The following SIPA1L2 variants were observed in gnomAD, a reference collection of about 807,000 sequenced individuals.
The protein encoded by SIPA1L2 is signal induced proliferation associated 1 like 2.
SIPA1L2 carries 56 observed loss-of-function variants against 163.9 expected under a neutral mutation model. The ratio of observed to expected loss-of-function variants is 0.34; its 90% CI spans 0.28 to 0.43. The LOEUF is 0.43. Among genes scored for constraint, SIPA1L2 ranks in the 20% least tolerant of loss-of-function variants. SIPA1L2 has a pLI of 1.00. For missense variants in SIPA1L2, 1,974 were observed against 2,193.5 expected, an observed-to-expected ratio of 0.90 and a Z score of 2.00; for synonymous variants, 877 against 865.7, an observed-to-expected ratio of 1.01 and a Z score of -0.23.
intron 2 of SIPA1L2, among the ~76,000 whole-genome samples, chr1:232,543,324 C>T (rs1423486358): frequency 1.3e-5 from 2 of 152,202 alleles, no homozygotes; most frequent in East Asian, 1.9e-4. Context: ...CCCTTGAACA[C>T]GGGTTTGCAC....
At chr1:232,464,337 T>C (rs1318006813) in intron 9 of SIPA1L2, among the ~76,000 whole-genome samples, 1 of 152,202 alleles carries the variant, frequency 6.6e-6, no homozygotes, top group East Asian at 1.9e-4. Flanking sequence ...TAAATTAATG[T>C]GTAATTCTGA....
intron 1 of SIPA1L2, among the ~76,000 whole-genome samples, chr1:232,587,601 T>C (rs2102819613): frequency 6.6e-6 from 1 of 152,288 alleles, no homozygotes; most frequent in South Asian, 2.1e-4. Context: ...AGCAAGGCAG[T>C]GGCCCCACAC....
chr1:232,585,475 C>T (rs535867542), intron 1 of SIPA1L2, among the ~76,000 whole-genome samples: 2 of 152,226 alleles, frequency 1.3e-5, no homozygotes, highest in East Asian at 3.9e-4. Flanking sequence ...AGGGACAGGC[C>T]AATGGTTAAT....
intron 1 of SIPA1L2, among the ~76,000 whole-genome samples, chr1:232,619,833 C>T (rs553278214): frequency 2.2e-4 from 34 of 152,328 alleles, no homozygotes; most frequent in African/African-American, 7.2e-4. Flanking sequence ...AACCCCTTAT[C>T]CCACTTGTAT....
At chr1:232,525,189 C>A in intron 2 of SIPA1L2, among the ~76,000 whole-genome samples, 1 of 150,106 alleles carries the variant, frequency 6.7e-6, no homozygotes, top group Admixed American at 6.6e-5. Flanking sequence ...AAAATACTGC[C>A]CTTTATTCCT....
intron 10 of SIPA1L2, among the ~76,000 whole-genome samples, chr1:232,455,845 G>A (rs924793576): frequency 2.0e-5 from 3 of 151,954 alleles, no homozygotes; most frequent in Admixed American, 6.6e-5. Context: ...AAATTAACAC[G>A]GCAACAGAAA....
chr1:232,567,453 A>G (rs1234484576), intron 2 of SIPA1L2, among the ~76,000 whole-genome samples: 2 of 152,172 alleles, frequency 1.3e-5, no homozygotes, highest in African/African-American at 4.8e-5. Flanking sequence ...AATTATTGTC[A>G]TTTATTCAAC....
intron 18 of SIPA1L2, among the ~76,000 whole-genome samples, chr1:232,418,926 C>A (rs1661413260): frequency 6.6e-6 from 1 of 152,202 alleles, no homozygotes; most frequent in South Asian, 2.1e-4. Flanking sequence ...TGACTACTGC[C>A]TGCCACGTGA....
At position 232,465,495 on chromosome 1, in the gene SIPA1L2, TACACACACACACACATATACATACACAC is replaced by T. The variant is rs1255652996; in HGVS notation, c.2244-107_2244-80del. The stretch of plus-strand genomic sequence containing the variant: ...TATCTTTCCGAATTTGACATATATA[TACACACACACACACATATACATACACAC>T]ACACACACACATATACATACACACA... On this transcript the variant is annotated intron_variant, in intron 8 of 22. Transcript: ENST00000674635. The surrounding 1 kb of genome is among the most constrained non-coding windows in gnomAD (Gnocchi z 4.1). The T allele has an allele frequency of 9.4e-7, 1 of 1,065,652 alleles. No homozygotes were observed. Among genetic ancestry groups the T allele is most frequent in the Non-Finnish European group, 1.4e-6 (1 of 730,360 alleles). The allele number at this position is 1,065,652 out of a possible 1,614,324, so 66.0% of individuals were successfully genotyped here. A position where few individuals can be genotyped will look rare whatever the true frequency, so the allele number is the denominator to read the frequency against.
intron 2 of SIPA1L2, among the ~76,000 whole-genome samples, chr1:232,544,166 G>A (rs924902533): frequency 7.9e-5 from 12 of 151,384 alleles, no homozygotes; most frequent in Non-Finnish European, 1.0e-4. Flanking sequence ...AATAAGCATT[G>A]AAATGCATGG....
At chr1:232,404,937 T>G (rs1051121798) in intron 19 of SIPA1L2, among the ~76,000 whole-genome samples, 3 of 152,150 alleles carry the variant, frequency 2.0e-5, no homozygotes, top group Non-Finnish European at 2.9e-5. Flanking sequence ...GCTGTGGCAG[T>G]CCTTTTCCTA....
At chr1:232,548,667 G>A (rs979942952) in intron 2 of SIPA1L2, among the ~76,000 whole-genome samples, 2 of 152,202 alleles carry the variant, frequency 1.3e-5, no homozygotes, top group Non-Finnish European at 2.9e-5. Context: ...TGCAGGAGTA[G>A]TGAAAAGAGG....
At chr1:232,445,899 C>T in intron 10 of SIPA1L2, 113 bp from the exon 11 acceptor site, 1 of 1,217,000 alleles carries the variant, frequency 8.2e-7, no homozygotes, top group Non-Finnish European at 1.2e-6. Context: ...CCTCTCCCGG[C>T]TCCAAGTCAA....
chr1:232,423,412 T>A (rs1227346701), intron 18 of SIPA1L2, among the ~76,000 whole-genome samples: 1 of 152,188 alleles, frequency 6.6e-6, no homozygotes, highest in Non-Finnish European at 1.5e-5. Context: ...AAACTTTCCA[T>A]GGACAGGAGG....
intron 7 of SIPA1L2, among the ~76,000 whole-genome samples, chr1:232,472,776 A>T (rs1664864901): frequency 6.6e-6 from 1 of 152,246 alleles, no homozygotes; most frequent in African/African-American, 2.4e-5. Context: ...TATTCCAAGT[A>T]AAGACCATTA....
rs780229755 is a variant in SIPA1L2 at position 232,404,105 on chromosome 1, G to C, written c.4816+20C>G. The C allele has an allele frequency of 6.2e-7, 1 of 1,613,876 alleles. No homozygotes were observed. Among genetic ancestry groups the C allele is most frequent in the South Asian group, 1.1e-5 (1 of 91,056 alleles). On this transcript the variant is annotated intron_variant, in intron 20 of 22. Transcript: ENST00000674635. ...AGGTTACAGGATATCAGGAGCCAAC[G>C]AGCAGCCCCAGACAATCACCTAGAT...
At chr1:232,614,226 A>C (rs1662391261) in intron 1 of SIPA1L2, among the ~76,000 whole-genome samples, 1 of 151,916 alleles carries the variant, frequency 6.6e-6, no homozygotes, top group Non-Finnish European at 1.5e-5. Flanking sequence ...TGATGGAATA[A>C]CTCATTATTC....
intron 1 of SIPA1L2, among the ~76,000 whole-genome samples, chr1:232,585,640 A>G (rs968020366): frequency 6.6e-6 from 1 of 152,240 alleles, no homozygotes; most frequent in African/African-American, 2.4e-5. Context: ...AAGTAGAACA[A>G]TGAAACCATA....
At chr1:232,508,241 C>T (rs576248923) in intron 3 of SIPA1L2, among the ~76,000 whole-genome samples, 17 of 152,266 alleles carry the variant, frequency 1.1e-4, no homozygotes, top group South Asian at 1.0e-3. Flanking sequence ...CCAGCTTCAT[C>T]CTCCCATCTG....
Sources: allele counts gnomAD v4.1 joint callset (sites outside exome capture counted in the v4.1 genomes callset), GRCh38; gene constraint gnomAD v4.1.1; non-coding constraint Gnocchi (gnomAD v3.1); transcripts MANE v1.5; gene names NCBI Gene and HGNC (gene_info 2026-07-23, HGNC 2026-07-21).